TMEM50B: variants seen among roughly 807,000 people sequenced by gnomAD.
TMEM50B encodes the protein transmembrane protein 50B.
Under a neutral mutation model 23.4 loss-of-function variants are expected in TMEM50B, and 14 were observed. The ratio of observed to expected loss-of-function variants is 0.60; its 90% CI spans 0.39 to 0.93. The LOEUF is 0.93. TMEM50B is among the 40% of genes least tolerant of loss of function. TMEM50B has a pLI of 0.00. For missense variants in TMEM50B, 159 were observed against 193.0 expected (o/e 0.82, Z 1.04); for synonymous variants, 64 against 62.3 (o/e 1.03, Z -0.13).
chr21:33,454,999 C>T (rs1053983154), intron 6 of TMEM50B, among the ~76,000 whole-genome samples: 2 of 152,100 alleles, frequency 1.3e-5, no homozygotes, highest in African/African-American at 4.8e-5. Flanking sequence ...CACCTGTAGT[C>T]CCACCTACTC....
At chr21:33,452,632 C>T (rs2084132404) in intron 6 of TMEM50B, among the ~76,000 whole-genome samples, 1 of 152,128 alleles carries the variant, frequency 6.6e-6, no homozygotes, top group Admixed American at 6.6e-5. Context: ...CTGGTCCTGC[C>T]TATAACAAAG....
rs528173044 is a variant in TMEM50B at position 33,454,425 on chromosome 21, C to T, written c.431+1302G>A. ...AAGTGGTTCTCCTGCCTCAGCCTTC[C>T]GAGTAGCTGGGATTACAGGCACACA... On this transcript the variant is annotated intron_variant, in intron 6 of 6. Coordinates refer to ENST00000542230, the MANE Select transcript of TMEM50B (RefSeq NM_006134.7). Among the ~76,000 whole-genome samples, 188 of 152,124 alleles carry T rather than the reference C, an allele frequency of 1.2e-3. 1 individual carries two copies. The highest frequency in any genetic ancestry group is 1.6e-3 in the Non-Finnish European group (109 of 68,000).
At chr21:33,450,894 A>G in intron 6 of TMEM50B, 31 bp from the exon 7 acceptor site, 2 of 1,592,100 alleles carry the variant, frequency 1.3e-6, no homozygotes, top group Non-Finnish European at 1.7e-6. Context: ...ATCATGAGGA[A>G]AAAACCGATG....
At position 33,432,716 on chromosome 21, in the gene TMEM50B, T is replaced by C. The variant is rs145216430; in HGVS notation, c.*2207A>G. 4 of 1,613,968 alleles carry C rather than the reference T, an allele frequency of 2.5e-6. No individual in the cohort carries two copies. The African/African-American group carries it at 5.3e-5, about 22-fold the overall frequency. On this transcript the variant is annotated 3_prime_UTR_variant and NMD_transcript_variant, in exon 9 of 9. Coordinates refer to the TMEM50B transcript ENST00000420455. ...TCACTTTCGTGTCCTCTTTTTAGCC[T>C]CCACTGAGCTTCAGCAAGTCATCCT...
intron 1 of TMEM50B, among the ~76,000 whole-genome samples, chr21:33,472,738 G>C (rs1189651503): frequency 6.6e-6 from 1 of 151,760 alleles, no homozygotes; most frequent in African/African-American, 2.4e-5. Context: ...TGGGTGTGAT[G>C]GCACATGCCT....
At chr21:33,464,226 T>C (rs1304157719) in intron 4 of TMEM50B, among the ~76,000 whole-genome samples, 3 of 151,310 alleles carry the variant, frequency 2.0e-5, no homozygotes, top group African/African-American at 7.3e-5. Flanking sequence ...AGACGGAGTT[T>C]CACTCTTGTT....
At position 33,455,722 on chromosome 21, in the gene TMEM50B, C is replaced by T. The variant is rs1182080040; in HGVS notation, c.431+5G>A. 5 of 1,612,382 alleles carry T rather than the reference C, an allele frequency of 3.1e-6. No individual in the cohort carries two copies. On this transcript the variant is annotated splice_donor_5th_base_variant and intron_variant, in intron 6 of 6. Coordinates refer to ENST00000542230, the MANE Select transcript of TMEM50B (RefSeq NM_006134.7). ...CAGGCGTGGTTAAAAAATAAGGCAACTTACCTAAAAAATATAAGTGCATTT... is the reference window on the plus strand; with the variant it reads ...CAGGCGTGGTTAAAAAATAAGGCAATTTACCTAAAAAATATAAGTGCATTT...
intron 6 of TMEM50B, among the ~76,000 whole-genome samples, chr21:33,454,655 CTGT>C (rs927197466): frequency 2.6e-4 from 39 of 152,052 alleles, no homozygotes; most frequent in African/African-American, 7.2e-4. Flanking sequence ...GGTACTTTAC[CTGT>C]TGTTGTTAAT....
At chr21:33,477,591 C>T (rs1340195800) in intron 1 of TMEM50B, among the ~76,000 whole-genome samples, 2 of 111,042 alleles carry the variant, frequency 1.8e-5, no homozygotes, top group South Asian at 3.2e-4. Flanking sequence ...AATCCCAGCA[C>T]TTTGGGAGGC....
At chr21:33,446,247 A>T (rs28516696), downstream of TMEM50B, among the ~76,000 whole-genome samples, 72,449 of 114,134 alleles carry the variant, frequency 0.63, 20,048 homozygotes, top group African/African-American at 0.79. Context: ...TTTATTTTTT[A>T]TTTTTTTTTG....
intron 8 of TMEM50B, among the ~76,000 whole-genome samples, chr21:33,436,073 T>C (rs1248366047): frequency 2.0e-5 from 3 of 151,232 alleles, no homozygotes; most frequent in Non-Finnish European, 1.5e-5. Context: ...AATAAAAAAT[T>C]GTTGCCGGGT....
chr21:33,439,988 G>A (rs2083994085), intron 7 of TMEM50B, among the ~76,000 whole-genome samples: 1 of 152,110 alleles, frequency 6.6e-6, no homozygotes, highest in African/African-American at 2.4e-5. Context: ...GGAGGTTGCA[G>A]TGAGCTGACA....
chr21:33,437,109 C>A, intron 8 of TMEM50B: 1 of 669,474 alleles, frequency 1.5e-6, no homozygotes. Flanking sequence ...GACAGCAGGT[C>A]TCATGGGGGT....
chr21:33,463,420 T>C (rs189411106), intron 4 of TMEM50B, among the ~76,000 whole-genome samples: 116 of 152,298 alleles, frequency 7.6e-4, no homozygotes, highest in African/African-American at 2.7e-3. Flanking sequence ...TATGAAATCA[T>C]AGAAAAGGCA....
Position 33,469,013 on chromosome 21 carries a change from A to G in TMEM50B, c.-41-87T>C, listed in dbSNP as rs1226234077. 1.7e-5 allele frequency: 12 copies of G among 697,562 alleles called. No homozygotes were observed. The East Asian group carries it at 3.2e-4, about 19-fold the overall frequency. The allele number at this position is 697,562 out of a possible 1,614,324, so 43.2% of individuals were successfully genotyped here. On this transcript the variant is annotated intron_variant, in intron 1 of 6. Transcript: ENST00000542230. ...TTACTCCTTTCTTAAAGCTTTACAC[A>G]CAACTTTACTTTAGGTCCTATTCTA... is the stretch of plus-strand genomic sequence containing the variant.
intron 4 of TMEM50B, among the ~76,000 whole-genome samples, chr21:33,463,788 T>C (rs2084238482): frequency 6.6e-6 from 1 of 152,096 alleles, no homozygotes; most frequent in African/African-American, 2.4e-5. Context: ...CACAGCAGCA[T>C]GTGCCTATAA....
At chr21:33,446,251 T>A (rs1250641144), downstream of TMEM50B, among the ~76,000 whole-genome samples, 1 of 151,212 alleles carries the variant, frequency 6.6e-6, no homozygotes, top group Non-Finnish European at 1.5e-5. Flanking sequence ...TTTTTTATTT[T>A]TTTTTGAGAC....
intron 5 of TMEM50B, among the ~76,000 whole-genome samples, chr21:33,457,389 C>T (rs2084179015): frequency 6.6e-6 from 1 of 151,982 alleles, no homozygotes; most frequent in South Asian, 2.1e-4. Context: ...GTGGTTCATG[C>T]CTGTAATCCC....
chr21:33,472,887 A>AT (rs1258005349), intron 1 of TMEM50B, among the ~76,000 whole-genome samples: 2 of 152,152 alleles, frequency 1.3e-5, no homozygotes, highest in African/African-American at 4.8e-5. Context: ...AAAAAAAAAA[A>AT]AGAATAAATG....
Sources: allele counts gnomAD v4.1 joint callset (sites outside exome capture counted in the v4.1 genomes callset), GRCh38; gene constraint gnomAD v4.1.1; transcripts MANE v1.5; gene names NCBI Gene and HGNC (gene_info 2026-07-23, HGNC 2026-07-21).